The following SNX13 variants were observed in gnomAD, a reference collection of about 807,000 sequenced individuals.
SNX13 encodes sorting nexin-13.
Under a neutral mutation model 133.6 loss-of-function variants are expected in SNX13, and 45 were observed. The ratio of observed to expected loss-of-function variants is 0.34; its 90% CI spans 0.27 to 0.43. The LOEUF (loss-of-function observed/expected upper bound fraction) is 0.43. Among genes scored for constraint, SNX13 ranks in the 20% least tolerant of loss-of-function variants. The pLI is 1.00. For missense variants in SNX13, 1,032 were observed against 1,145.1 expected (o/e 0.90, Z 1.43); for synonymous variants, 414 against 373.9 (o/e 1.11, Z -1.24).
chr7:17,921,617 CCT>C (rs1373184237), intron 1 of SNX13, among the ~76,000 whole-genome samples: 1 of 152,152 alleles, frequency 6.6e-6, no homozygotes, highest in Non-Finnish European at 1.5e-5. Flanking sequence ...TGTAAAAGCC[CCT>C]GTTGTTCCTG....
intron 18 of SNX13, among the ~76,000 whole-genome samples, chr7:17,820,515 TTAATA>T (rs1487614698): frequency 6.6e-6 from 1 of 152,126 alleles, no homozygotes; most frequent in Non-Finnish European, 1.5e-5. Context: ...AATTTTCTTA[TTAATA>T]TAACACAAAA....
Position 17,796,941 on chromosome 7 carries a change from T to C in SNX13, c.2514-2A>G. On this transcript the variant is annotated splice_acceptor_variant, in intron 24 of 25. Transcript: ENST00000428135. LOFTEE classifies it high-confidence loss of function. The stretch of plus-strand genomic sequence containing the variant: ...ATGCCATTTGGCCAAAATGCATCTC[T>C]ATTTGAGAAGATTAAATACATTTTG... 1 of 1,583,154 alleles carries C rather than the reference T, an allele frequency of 6.3e-7. No individual in the cohort carries two copies. The highest frequency in any genetic ancestry group is 8.7e-7 in the Non-Finnish European group (1 of 1,153,678).
chr7:17,820,465 T>C (rs775900831), intron 18 of SNX13, among the ~76,000 whole-genome samples: 2 of 152,128 alleles, frequency 1.3e-5, no homozygotes, highest in Non-Finnish European at 2.9e-5. Context: ...AAGGTTATAT[T>C]TGACACCAGA....
rs186402177 is a variant in SNX13, at chr7:17,897,547, A to G, written c.13-101T>C. The G allele has an allele frequency of 8.2e-4, 485 of 592,686 alleles. 1 individual carries two copies. Among genetic ancestry groups the G allele is most frequent in the African/African-American group, 8.1e-3 (425 of 52,476 alleles). The allele number at this position is 592,686 out of a possible 1,614,324, so 36.7% of individuals were successfully genotyped here. A position where few individuals can be genotyped will look rare whatever the true frequency, so the allele number is the denominator to read the frequency against. ...TACATAGTTTTAAATTTCTTCTTGT[A>G]AACATTCATGGTATTATTTCAGTAA... On this transcript the variant is annotated intron_variant, in intron 1 of 25. Coordinates refer to ENST00000428135, the MANE Select transcript of SNX13 (RefSeq NM_015132.5).
intron 13 of SNX13, among the ~76,000 whole-genome samples, chr7:17,835,898 G>C (rs530007030): frequency 2.6e-5 from 4 of 151,764 alleles, no homozygotes; most frequent in Non-Finnish European, 4.4e-5. Context: ...TGTGTTTCGG[G>C]GGGTAGTAGA....
chr7:17,812,245 T>G (rs1052394449), intron 20 of SNX13, among the ~76,000 whole-genome samples: 1 of 152,074 alleles, frequency 6.6e-6, no homozygotes, highest in African/African-American at 2.4e-5. Flanking sequence ...TTTTGCAATC[T>G]ATCCATCTGA....
chr7:17,805,224 T>C (rs1017438017), intron 20 of SNX13, among the ~76,000 whole-genome samples: 4 of 103,122 alleles, frequency 3.9e-5, no homozygotes, highest in African/African-American at 1.3e-4. Flanking sequence ...TGTGTGTGTG[T>C]GTGTGTGTGT....
intron 5 of SNX13, chr7:17,882,425 T>G: frequency 6.6e-6 from 1 of 152,290 alleles, no homozygotes; most frequent in Non-Finnish European, 1.5e-5. Flanking sequence ...GATACAAGGG[T>G]TTTAATCATC....
At chr7:17,902,807 G>T (rs946957756) in intron 1 of SNX13, among the ~76,000 whole-genome samples, 1 of 152,152 alleles carries the variant, frequency 6.6e-6, no homozygotes, top group Non-Finnish European at 1.5e-5. Flanking sequence ...TGAGCATGCC[G>T]CGAGCATTAG....
chr7:17,861,302 G>C (rs1445046588), intron 9 of SNX13, among the ~76,000 whole-genome samples: 2 of 151,538 alleles, frequency 1.3e-5, no homozygotes, highest in Non-Finnish European at 2.9e-5. Context: ...TGATGGGTTT[G>C]GCAGTTATCA....
Position 17,792,555 on chromosome 7 carries a change from A to C in SNX13, c.*1490T>G, listed in dbSNP as rs1462880641. ...GACAGTGATATCTTGTTCCAATCTT[A>C]AAGCTCCCAAATAACTGGGATACCA... is the stretch of plus-strand genomic sequence containing the variant. On this transcript the variant is annotated 3_prime_UTR_variant, in exon 26 of 26. Coordinates refer to ENST00000428135, the MANE Select transcript of SNX13 (RefSeq NM_015132.5). 6.6e-5 allele frequency: 10 copies of C among 152,448 alleles called. No individual in the cohort carries two copies. The allele number at this position is 152,448 out of a possible 1,614,324, so 9.4% of individuals were successfully genotyped here. A position where few individuals can be genotyped will look rare whatever the true frequency, so the allele number is the denominator to read the frequency against.
intron 5 of SNX13, chr7:17,882,913 T>G: frequency 9.3e-7 from 1 of 1,069,862 alleles, no homozygotes. Flanking sequence ...ATTGCGCCAT[T>G]GTACTCCAGC....
At chr7:17,824,959 G>A (rs972790397) in intron 17 of SNX13, among the ~76,000 whole-genome samples, 1 of 151,870 alleles carries the variant, frequency 6.6e-6, no homozygotes, top group African/African-American at 2.4e-5. Context: ...TAGTAGAGAT[G>A]GGGTTTCACC....
intron 1 of SNX13, among the ~76,000 whole-genome samples, chr7:17,927,235 A>G (rs955213094): frequency 3.3e-5 from 5 of 150,010 alleles, no homozygotes; most frequent in African/African-American, 1.2e-4. Context: ...ATGTGTGTAT[A>G]TATATATATG....
At chr7:17,857,575 G>C (rs58703432) in intron 9 of SNX13, among the ~76,000 whole-genome samples, 1 of 152,268 alleles carries the variant, frequency 6.6e-6, no homozygotes, top group African/African-American at 2.4e-5. Context: ...CCAGAGGTCA[G>C]GAGTTCAAGA....
At chr7:17,940,112 G>A (rs1239889653) in intron 1 of SNX13, among the ~76,000 whole-genome samples, 172 bp downstream of exon 1, 1 of 151,920 alleles carries the variant, frequency 6.6e-6, no homozygotes, top group Non-Finnish European at 1.5e-5. Flanking sequence ...ACTCTGTTGA[G>A]TCAGCACAGC....
intron 11 of SNX13, among the ~76,000 whole-genome samples, chr7:17,850,087 C>T (rs1057287449): frequency 6.6e-6 from 1 of 152,092 alleles, no homozygotes; most frequent in Non-Finnish European, 1.5e-5. Context: ...AAATGATACA[C>T]AAGTAAATGT....
chr7:17,918,238 A>C (rs1223840649), intron 1 of SNX13, among the ~76,000 whole-genome samples: 1 of 152,192 alleles, frequency 6.6e-6, no homozygotes, highest in Non-Finnish European at 1.5e-5. Context: ...AGAATTTATA[A>C]GTCCTCAAAA....
chr7:17,928,025 A>T (rs1051682672), intron 1 of SNX13, among the ~76,000 whole-genome samples: 1 of 152,230 alleles, frequency 6.6e-6, no homozygotes, highest in Non-Finnish European at 1.5e-5. Context: ...TAAAAGTCCT[A>T]ATATTTACAA....
Sources: gnomAD v4.1 joint callset for allele counts (sites outside exome capture counted in the v4.1 genomes callset) on GRCh38, gnomAD v4.1.1 for gene constraint, MANE v1.5 for transcripts, NCBI Gene and HGNC (gene_info 2026-07-23, HGNC 2026-07-21) for gene names.